LRIG3: variants seen among roughly 807,000 people sequenced by gnomAD.
LRIG3 encodes leucine rich repeats and immunoglobulin like domains 3, also known as leucine-rich repeats and immunoglobulin-like domains protein 3.
LRIG3 carries 76 observed loss-of-function variants against 114.5 expected under a neutral mutation model. The observed-to-expected ratio is 0.66, with a 90% CI of 0.55 to 0.80. The LOEUF is 0.80. LRIG3 is among the 30% of genes least tolerant of loss of function. The pLI is 0.00. For missense variants in LRIG3, 1,239 were observed against 1,382.8 expected (o/e 0.90, Z 1.65); for synonymous variants, 512 against 519.8 (o/e 0.98, Z 0.20).
chr12:58,873,087 T>C lies in LRIG3; in HGVS notation c.3116-271A>G, dbSNP rs1040862182. The stretch of plus-strand genomic sequence containing the variant: ...TTCTCATGACCTGTAGTAATGTTAA[T>C]GGTCATGCAATAAAGTTCCCCAATA... On this transcript the variant is annotated intron_variant, in intron 18 of 18. Coordinates refer to ENST00000320743, the MANE Select transcript of LRIG3 (RefSeq NM_153377.5). Among the ~76,000 whole-genome samples, 5 of 152,184 alleles carry C rather than the reference T, an allele frequency of 3.3e-5. No individual in the cohort carries two copies. In the East Asian group the frequency reaches 5.8e-4, roughly 18 times the overall value.
In LRIG3 at chr12:58,885,821, A is replaced by G. The variant is rs1156421308; in HGVS notation, c.1244+10T>C. The G allele has an allele frequency of 1.9e-6, 3 of 1,550,390 alleles. No individual in the cohort carries two copies. Among genetic ancestry groups the G allele is most frequent in the African/African-American group, 2.7e-5 (2 of 73,076 alleles). The stretch of plus-strand genomic sequence containing the variant: ...TTCTCTTTTAGGGTAACTAAATTCT[A>G]GCTACTCACAGATGCTCCAATGCAT... On this transcript the variant is annotated intron_variant, in intron 10 of 18. Coordinates refer to ENST00000320743, the MANE Select transcript of LRIG3 (RefSeq NM_153377.5).
At position 58,903,786 on chromosome 12, in the gene LRIG3, C is replaced by A. The variant is rs565256362; in HGVS notation, c.383+10196G>T. On this transcript the variant is annotated intron_variant, in intron 3 of 18. Transcript: ENST00000320743. ...TCCAGTTTCAGCTTTCTACATATGG[C>A]TAGCCAGTTTTCCCAGCAGCATTTA... Among the ~76,000 whole-genome samples the A allele has an allele frequency of 5.8e-3, 887 of 152,046 alleles. 6 individuals carry two copies. The highest frequency in any genetic ancestry group is 9.6e-3 in the Non-Finnish European group (652 of 67,972).
intron 1 of LRIG3, among the ~76,000 whole-genome samples, chr12:58,917,965 C>T (rs1872540474): frequency 6.6e-6 from 1 of 152,140 alleles, no homozygotes. Flanking sequence ...TTTTTCTGCT[C>T]CTTTCAAAAG....
At chr12:58,898,215 AGAG>A (rs141734284) in intron 3 of LRIG3, among the ~76,000 whole-genome samples, 2,174 of 152,310 alleles carry the variant, frequency 0.014, 54 homozygotes, top group African/African-American at 0.048. Flanking sequence ...AGCTCCCCAG[AGAG>A]GAGATTTAGA....
In LRIG3 at chr12:58,888,423, C is replaced by G; in HGVS notation, c.853G>C (p.Gly285Arg). ...TGAAGTTCCTGCAGCATCAGCAAGC[C>G]GTAAAGCCAGCCTTTGGTAATCTCT... ...LTEITKGWLY[G>R]LLMLQELHLS... The change falls in exon 7 of 19, where the codon GGC (glycine) becomes CGC (arginine). Residue 285 changes from glycine (G) to arginine (R), a missense_variant. Physicochemically the swap from Gly to Arg is moderately radical, Grantham distance 125. Transcript: ENST00000320743. 6.2e-7 allele frequency: 1 copy of G among 1,613,838 alleles called. No homozygotes were observed. The highest frequency in any genetic ancestry group is 8.5e-7 in the Non-Finnish European group (1 of 1,179,830).
rs1046514072 is a variant in LRIG3 at position 58,873,893 on chromosome 12, T to C, written c.3115+162A>G. ...CATCAAGTAAAATCCCACCTCTGAC[T>C]TTGCTTTTGGAGGCATTTACACTAA... On this transcript the variant is annotated intron_variant, in intron 18 of 18. Coordinates refer to ENST00000320743, the MANE Select transcript of LRIG3 (RefSeq NM_153377.5). 6.5e-6 allele frequency: 5 copies of C among 774,430 alleles called. No homozygotes were observed. In the African/African-American group the frequency reaches 8.7e-5, roughly 13 times the overall value. 48.0% of individuals were successfully genotyped at this position (774,430 alleles called of 1,614,324 possible).
chr12:58,872,817 C>T lies in LRIG3; in HGVS notation c.3116-1G>A, dbSNP rs767828889. The T allele has an allele frequency of 5.2e-5, 84 of 1,609,200 alleles. No individual in the cohort carries two copies. Among genetic ancestry groups the T allele is most frequent in the Non-Finnish European group, 6.7e-5 (79 of 1,177,062 alleles). ...CTCCTGAGAGCTTTTCCAAAGGTAC[C>T]TGAAAGAAAGAAACACCTTGAGCAC... On this transcript the variant is annotated splice_acceptor_variant, in intron 18 of 18. Coordinates refer to ENST00000320743, the MANE Select transcript of LRIG3 (RefSeq NM_153377.5). LOFTEE classifies it high-confidence loss of function.
At chr12:58,888,758 T>A in intron 6 of LRIG3, 61 bp downstream of exon 6, 1 of 1,573,652 alleles carries the variant, frequency 6.4e-7, no homozygotes, top group Non-Finnish European at 8.6e-7. Flanking sequence ...ACCTGCTGAA[T>A]GTACACTGAG....
rs140487094 is a variant in LRIG3, at chr12:58,913,945, C to CAA, written c.383+35_383+36dup. 4 of 1,571,258 alleles carry CAA rather than the reference C, an allele frequency of 2.5e-6. No homozygotes were observed. In the African/African-American group the frequency reaches 4.1e-5, roughly 16 times the overall value. ...ATGGAACTCCCACTCAAGGTTCCTG[C>CAA]AAACATACATGAGGAATTCTGCTGA... On this transcript the variant is annotated intron_variant, in intron 3 of 18. Transcript: ENST00000320743.
chr12:58,919,422 C>T (rs931555908), intron 1 of LRIG3: 10 of 1,551,498 alleles, frequency 6.4e-6, no homozygotes, highest in African/African-American at 1.4e-5. Context: ...GGAGTGGGAA[C>T]TTACGGTCTG....
Position 58,872,596 on chromosome 12 carries a change from AAAATTTG to A in LRIG3, c.3329_3335del (p.Pro1110LeufsTer18). On this transcript the variant is annotated frameshift_variant, in exon 19 of 19. Transcript: ENST00000320743. LOFTEE classifies it high-confidence loss of function. ...TCTATGTGTCCAAGTCATAAGACTG[AAAATTTG>A]GAGTCCTGTAGTTTTCTAAAGTCTG... 6.2e-7 allele frequency: 1 copy of A among 1,613,714 alleles called. No homozygotes were observed.
chr12:58,878,934 T>C lies in LRIG3; in HGVS notation c.1973A>G (p.Asp658Gly). 6.2e-7 allele frequency: 1 copy of C among 1,614,168 alleles called. No homozygotes were observed. Among genetic ancestry groups the C allele is most frequent in the Non-Finnish European group, 8.5e-7 (1 of 1,180,036 alleles). The change falls in exon 14 of 19, where the codon GAT (aspartate) becomes GGT (glycine). Residue 658 changes from aspartate (D) to glycine (G), a missense_variant. Physicochemically the swap from Asp to Gly is moderately conservative, Grantham distance 94. Transcript: ENST00000320743. ...CACATCCACGATAAAGAACACGTCA[T>C]CCTCGGGCATCACATGCATGCGTCT... The part of the protein sequence containing the change: ...RERRMHVMPE[D>G]DVFFIVDVKI...
chr12:58,882,766 G>T, intron 12 of LRIG3, 103 bp downstream of exon 12: 1 of 1,262,524 alleles, frequency 7.9e-7, no homozygotes, highest in Non-Finnish European at 1.1e-6. Context: ...AGAAATAAAA[G>T]CTTTATAAAG....
chr12:58,890,093 C>CA lies in LRIG3; in HGVS notation c.561dup (p.Asp188Ter). The CA allele has an allele frequency of 6.2e-7, 1 of 1,613,844 alleles. No individual in the cohort carries two copies. The highest frequency in any genetic ancestry group is 8.5e-7 in the Non-Finnish European group (1 of 1,179,828). Reference sequence around the variant, plus strand: ...ACAAGGAGTGTGTTGGCCAAATTGTCAAAATACCCAGGTTCCATTGATGTG... The same window carrying CA: ...ACAAGGAGTGTGTTGGCCAAATTGTCAAAAATACCCAGGTTCCATTGATGTG... On this transcript the variant is annotated frameshift_variant, in exon 5 of 19. Coordinates refer to ENST00000320743, the MANE Select transcript of LRIG3 (RefSeq NM_153377.5). LOFTEE classifies it high-confidence loss of function.
chr12:58,907,329 ATTG>A (rs1220504494), intron 3 of LRIG3, among the ~76,000 whole-genome samples: 1 of 152,168 alleles, frequency 6.6e-6, no homozygotes, highest in Non-Finnish European at 1.5e-5. Context: ...GGCTACAAAT[ATTG>A]TTGTTATTTA....
At chr12:58,897,145 T>C (rs976788647) in intron 3 of LRIG3, among the ~76,000 whole-genome samples, 2 of 152,166 alleles carry the variant, frequency 1.3e-5, no homozygotes, top group Admixed American at 6.5e-5. Context: ...AGAGGTTTCA[T>C]TAAAAGAACA....
At position 58,894,212 on chromosome 12, in the gene LRIG3, G is replaced by C. The variant is rs921728417; in HGVS notation, c.384-3416C>G. 7.2e-5 allele frequency among the ~76,000 whole-genome samples: 11 copies of C among 152,212 alleles called. No individual in the cohort carries two copies. The East Asian group carries it at 1.7e-3, about 24-fold the overall frequency. ...ACCTCCTAAATCGCAGTGTGAAAGT[G>C]CTCAGTTCTAGACGGAGCGTGCACA... On this transcript the variant is annotated intron_variant, in intron 3 of 18. Coordinates refer to ENST00000320743, the MANE Select transcript of LRIG3 (RefSeq NM_153377.5).
intron 16 of LRIG3, 73 bp from the exon 17 acceptor site, chr12:58,874,646 C>T: frequency 1.3e-6 from 2 of 1,567,974 alleles, no homozygotes; most frequent in South Asian, 1.2e-5. Context: ...GTTTTGGCAT[C>T]TTCCATATTT....
intron 3 of LRIG3, among the ~76,000 whole-genome samples, chr12:58,903,100 T>C (rs1357857964): frequency 3.3e-5 from 5 of 152,322 alleles, no homozygotes; most frequent in Admixed American, 1.3e-4. Flanking sequence ...ATGGGATGGC[T>C]GGGTCAAATG....
Sources: allele counts gnomAD v4.1 joint callset (sites outside exome capture counted in the v4.1 genomes callset), GRCh38; gene constraint gnomAD v4.1.1; transcripts MANE v1.5; gene names NCBI Gene and HGNC (gene_info 2026-07-23, HGNC 2026-07-21).